The following KCNK9 variants were observed in gnomAD, a reference collection of about 807,000 sequenced individuals.
KCNK9 encodes the protein potassium channel subfamily K member 9.
KCNK9 carries 1 observed loss-of-function variant against 10.8 expected under a neutral mutation model. The observed-to-expected ratio is 0.09, with a 90% CI of 0.03 to 0.44. KCNK9 has a LOEUF of 0.44. Ranked by LOEUF, KCNK9 falls within the 20% of genes least tolerant of loss-of-function variation. The probability of loss-of-function intolerance (pLI) is 0.97; values close to 1 mark genes in which losing one functional copy is unlikely to be tolerated. For missense variants in KCNK9, 303 were observed against 515.0 expected (o/e 0.59, Z 3.98); for synonymous variants, 231 against 222.7 (o/e 1.04, Z -0.33).
chr8:139,644,527 G>T (rs1815611404), intron 1 of KCNK9, among the ~76,000 whole-genome samples: 1 of 152,190 alleles, frequency 6.6e-6, no homozygotes, highest in Admixed American at 6.5e-5. Flanking sequence ...TGGGAACACT[G>T]AGTGGGTTCT....
At chr8:139,616,483 T>C (rs1299180871), downstream of KCNK9, 1 of 152,208 alleles carries the variant, frequency 6.6e-6, no homozygotes, top group African/African-American at 2.4e-5. Flanking sequence ...AATTTCAACA[T>C]GGGATGTAGC....
chr8:139,614,218 G>A (rs1335182019), downstream of KCNK9, among the ~76,000 whole-genome samples: 1 of 152,162 alleles, frequency 6.6e-6, no homozygotes, highest in Non-Finnish European at 1.5e-5. Context: ...AGGCTTATCT[G>A]CAAGCTTCTC....
At chr8:139,686,885 G>T (rs773109421) in intron 1 of KCNK9, among the ~76,000 whole-genome samples, 4 of 152,074 alleles carry the variant, frequency 2.6e-5, no homozygotes, top group Admixed American at 1.3e-4. Context: ...GACACCTATG[G>T]GATGCAGCCA....
At position 139,632,839 on chromosome 8, in the gene KCNK9, G is replaced by A. The variant is rs536659040; in HGVS notation, c.284-13740C>T. On this transcript the variant is annotated intron_variant, in intron 1 of 1. Coordinates refer to ENST00000520439, the MANE Select transcript of KCNK9 (RefSeq NM_001282534.2). ...GTAACCCGTGATGCATGAAGCCAAT[G>A]GCATTTGGGGGTACAGCTGCTATGC... Among the ~76,000 whole-genome samples, 3 of 152,266 alleles carry A rather than the reference G, an allele frequency of 2.0e-5. No individual in the cohort carries two copies. The East Asian group carries it at 5.8e-4, about 29-fold the overall frequency.
rs748999762 is a variant in KCNK9, at chr8:139,675,046, GCT to G, written c.283+27662_283+27663del. The stretch of plus-strand genomic sequence containing the variant: ...GTCAGCCACAATGGATTCAATCCTG[GCT>G]CTCTACTTTTTGGCTGAGTGAGCTA... On this transcript the variant is annotated intron_variant, in intron 1 of 1. Coordinates refer to ENST00000520439, the MANE Select transcript of KCNK9 (RefSeq NM_001282534.2). Among the ~76,000 whole-genome samples, 6 of 152,334 alleles carry G rather than the reference GCT, an allele frequency of 3.9e-5. No individual in the cohort carries two copies. In the South Asian group the frequency reaches 1.2e-3, roughly 32 times the overall value.
chr8:139,680,798 G>A lies in KCNK9; in HGVS notation c.283+21912C>T, dbSNP rs543313068. Reference sequence around the variant, plus strand: ...GGCCACACTAGGATGGAACCCAGGCGGTCGCATTCTGGAACTGCAGAGCCA... The same window carrying A: ...GGCCACACTAGGATGGAACCCAGGCAGTCGCATTCTGGAACTGCAGAGCCA... On this transcript the variant is annotated intron_variant, in intron 1 of 1. Coordinates refer to ENST00000520439, the MANE Select transcript of KCNK9 (RefSeq NM_001282534.2). Among the ~76,000 whole-genome samples the A allele has an allele frequency of 1.1e-3, 162 of 152,230 alleles. 2 individuals carry two copies. Among genetic ancestry groups the A allele is most frequent in the Middle Eastern group, 3.4e-3 (1 of 294 alleles).
rs546826650 is a variant in KCNK9 at position 139,668,613 on chromosome 8, G to T, written c.283+34097C>A. 1.1e-4 allele frequency among the ~76,000 whole-genome samples: 17 copies of T among 152,100 alleles called. 1 individual carries two copies. The highest frequency in any genetic ancestry group is 2.2e-4 in the Non-Finnish European group (15 of 68,020). On this transcript the variant is annotated intron_variant, in intron 1 of 1. Transcript: ENST00000520439. ...ATTTTTGTATTTTTAATAAAGACAG[G>T]GTTTCACCATGTTGGCCAGGCTGGT...
intron 1 of KCNK9, among the ~76,000 whole-genome samples, chr8:139,639,094 G>A (rs1158295412): frequency 1.3e-5 from 2 of 151,794 alleles, no homozygotes; most frequent in South Asian, 2.1e-4. Flanking sequence ...TCACTCCTGC[G>A]CCGCCCCTTC....
downstream of KCNK9, among the ~76,000 whole-genome samples, chr8:139,611,036 A>G (rs534748140): frequency 7.9e-5 from 12 of 152,236 alleles, no homozygotes; most frequent in African/African-American, 2.9e-4. Context: ...TCCGAAACCC[A>G]TTTCCTCCAT....
intron 1 of KCNK9, among the ~76,000 whole-genome samples, chr8:139,683,844 A>G (rs957408709): frequency 1.3e-5 from 2 of 152,250 alleles, no homozygotes; most frequent in African/African-American, 2.4e-5. Flanking sequence ...TCATCTGCCA[A>G]TGATGGGTCT....
At chr8:139,655,027 G>A (rs1248405446) in intron 1 of KCNK9, among the ~76,000 whole-genome samples, 1 of 152,202 alleles carries the variant, frequency 6.6e-6, no homozygotes, top group East Asian at 1.9e-4. Flanking sequence ...ATGGATGGCG[G>A]GGGGCGGGCG....
chr8:139,615,766 AAGAG>A (rs1452149266), downstream of KCNK9: 3 of 152,036 alleles, frequency 2.0e-5, no homozygotes, highest in Non-Finnish European at 4.4e-5. Flanking sequence ...AATCCTGTAG[AAGAG>A]AGAATGTTTT....
rs538857712 is a variant in KCNK9 at position 139,702,244 on chromosome 8, G to C, written c.283+466C>G. ...GAGGGTCAGTGCCTCTCACGCCCCA[G>C]GCGCACTCCCCTGCCACCTGAGTCC... On this transcript the variant is annotated intron_variant, in intron 1 of 1. Coordinates refer to ENST00000520439, the MANE Select transcript of KCNK9 (RefSeq NM_001282534.2). The surrounding 1 kb of genome is among the most constrained non-coding windows in gnomAD (Gnocchi z 7.5). Among the ~76,000 whole-genome samples, 21 of 152,306 alleles carry C rather than the reference G, an allele frequency of 1.4e-4. No individual in the cohort carries two copies. The highest frequency in any genetic ancestry group is 4.1e-4 in the African/African-American group (17 of 41,580).
At chr8:139,652,525 T>C (rs1815897791) in intron 1 of KCNK9, among the ~76,000 whole-genome samples, 2 of 152,090 alleles carry the variant, frequency 1.3e-5, no homozygotes, top group South Asian at 4.1e-4. Flanking sequence ...CCCCTCCCTG[T>C]AAGCAGAGGG....
At chr8:139,605,736 C>T (rs1817472049) in intron 2 of KCNK9, among the ~76,000 whole-genome samples, 1 of 152,126 alleles carries the variant, frequency 6.6e-6, no homozygotes, top group Non-Finnish European at 1.5e-5. Flanking sequence ...AAAATATATA[C>T]AGGGCTGCGT....
chr8:139,616,362 TAAAAC>T (rs1231856300), downstream of KCNK9: 9 of 152,262 alleles, frequency 5.9e-5, no homozygotes, highest in Non-Finnish European at 1.2e-4. Context: ...AACAAAATCT[TAAAAC>T]AAGTGAATCA....
intron 1 of KCNK9, among the ~76,000 whole-genome samples, chr8:139,686,034 T>C (rs1387981917): frequency 1.3e-5 from 2 of 152,214 alleles, no homozygotes; most frequent in African/African-American, 2.4e-5. Context: ...TGATGACCAG[T>C]ATTGATGAGA....
intron 1 of KCNK9, among the ~76,000 whole-genome samples, chr8:139,663,311 C>A (rs1214449867): frequency 6.6e-6 from 1 of 152,076 alleles, no homozygotes; most frequent in Non-Finnish European, 1.5e-5. Context: ...GACAGGTCAG[C>A]GCGAGGCCAA....
intron 1 of KCNK9, among the ~76,000 whole-genome samples, chr8:139,658,479 C>G (rs1442562643): frequency 6.6e-6 from 1 of 152,228 alleles, no homozygotes; most frequent in Non-Finnish European, 1.5e-5. Flanking sequence ...CGCCTGACTT[C>G]CCTGCTGCCC....
Sources: gnomAD v4.1 joint callset for allele counts (sites outside exome capture counted in the v4.1 genomes callset) on GRCh38, gnomAD v4.1.1 for gene constraint, Gnocchi (gnomAD v3.1) non-coding constraint, MANE v1.5 for transcripts, NCBI Gene and HGNC (gene_info 2026-07-23, HGNC 2026-07-21) for gene names.